Variants in KCNIP4 observed in about 807,000 individuals in gnomAD.
KCNIP4 encodes Kv channel-interacting protein 4.
Under a neutral mutation model 34.0 loss-of-function variants are expected in KCNIP4, and 12 were observed. That is an observed-to-expected ratio of 0.35 (90% CI 0.23 to 0.57). KCNIP4 has a LOEUF of 0.57. KCNIP4 is among the 20% of genes least tolerant of loss of function. The pLI, the probability that KCNIP4 is intolerant of heterozygous loss-of-function variation, is 0.83. For missense variants in KCNIP4, 238 were observed against 311.7 expected (o/e 0.76, Z 1.78); for synonymous variants, 124 against 102.2 (o/e 1.21, Z -1.29).
chr4:21,568,288 G>A (rs183434595), intron 1 of KCNIP4, among the ~76,000 whole-genome samples: 4 of 152,230 alleles, frequency 2.6e-5, no homozygotes, highest in South Asian at 4.2e-4. Flanking sequence ...TCATAGTGGA[G>A]TAAAGTGGGC....
chr4:21,609,041 G>T (rs1329588454), intron 1 of KCNIP4: 1 of 152,100 alleles, frequency 6.6e-6, no homozygotes, highest in Non-Finnish European at 1.5e-5. Context: ...GAAAATACTA[G>T]GAGAACTGAT....
intron 1 of KCNIP4, among the ~76,000 whole-genome samples, chr4:21,582,965 T>C (rs1741347522): frequency 6.6e-6 from 1 of 151,910 alleles, no homozygotes; most frequent in African/African-American, 2.4e-5. Flanking sequence ...TCTCATTGCC[T>C]TTCTCACACT....
At chr4:21,453,288 A>G (rs1728664616) in intron 1 of KCNIP4, among the ~76,000 whole-genome samples, 1 of 152,162 alleles carries the variant, frequency 6.6e-6, no homozygotes, top group Non-Finnish European at 1.5e-5. Flanking sequence ...ACAGGAAAAC[A>G]TAAGTAGTAA....
chr4:21,289,631 C>T (rs1357063092), intron 1 of KCNIP4, among the ~76,000 whole-genome samples: 1 of 152,078 alleles, frequency 6.6e-6, no homozygotes, highest in Non-Finnish European at 1.5e-5. Context: ...AGGATTCCTG[C>T]CTAGTAAGCC....
At chr4:20,753,221 C>A (rs890079204) in intron 4 of KCNIP4, among the ~76,000 whole-genome samples, 2 of 152,018 alleles carry the variant, frequency 1.3e-5, no homozygotes, top group African/African-American at 4.8e-5. Context: ...ACTGAGGTCA[C>A]CTAGTTAGTT....
chr4:21,530,744 T>G (rs1468386426), intron 1 of KCNIP4, among the ~76,000 whole-genome samples: 2 of 152,164 alleles, frequency 1.3e-5, no homozygotes, highest in African/African-American at 4.8e-5. Flanking sequence ...GTTTATTCAT[T>G]CAGTAAATAT....
intron 1 of KCNIP4, among the ~76,000 whole-genome samples, chr4:21,623,439 G>A (rs763688447): frequency 8.5e-5 from 13 of 152,152 alleles, no homozygotes; most frequent in Non-Finnish European, 1.5e-4. Context: ...TTTACCAACA[G>A]TAAGAACTCA....
intron 1 of KCNIP4, among the ~76,000 whole-genome samples, chr4:21,152,482 A>G (rs1291913712): frequency 6.6e-6 from 1 of 151,856 alleles, no homozygotes; most frequent in Non-Finnish European, 1.5e-5. Flanking sequence ...TCACTGCCCC[A>G]CCAAACTCAT....
At chr4:21,285,357 G>A (rs1763056925) in intron 1 of KCNIP4, among the ~76,000 whole-genome samples, 1 of 152,056 alleles carries the variant, frequency 6.6e-6, no homozygotes, top group Non-Finnish European at 1.5e-5. Context: ...TTTGAACAGT[G>A]TGCTAATCAC....
At chr4:20,992,622 G>A (rs1050464006) in intron 1 of KCNIP4, among the ~76,000 whole-genome samples, 2 of 151,894 alleles carry the variant, frequency 1.3e-5, no homozygotes, top group African/African-American at 2.4e-5. Context: ...CACCCGGATC[G>A]GATCATTTTC....
At chr4:20,812,373 C>G (rs1198383884) in intron 3 of KCNIP4, among the ~76,000 whole-genome samples, 1 of 151,972 alleles carries the variant, frequency 6.6e-6, no homozygotes, top group Non-Finnish European at 1.5e-5. Flanking sequence ...GACCAGAAAG[C>G]TGAAGAGGAT....
At chr4:21,291,849 G>C (rs6843123) in intron 1 of KCNIP4, among the ~76,000 whole-genome samples, 1,909 of 67,482 alleles carry the variant, frequency 0.028, 86 homozygotes, top group African/African-American at 0.13. Context: ...GTTAGACTCC[G>C]CCTCAAAAAA....
intron 1 of KCNIP4, among the ~76,000 whole-genome samples, chr4:21,504,365 A>T (rs577243475): frequency 6.6e-6 from 1 of 150,700 alleles, no homozygotes; most frequent in Non-Finnish European, 1.5e-5. Context: ...CTACTGGGGG[A>T]GCTGAGGGAG....
intron 1 of KCNIP4, among the ~76,000 whole-genome samples, chr4:21,471,624 G>C (rs915457303): frequency 6.6e-6 from 1 of 152,142 alleles, no homozygotes; most frequent in Non-Finnish European, 1.5e-5. Context: ...TGTAGAGAAA[G>C]GGGAATGAGA....
intron 1 of KCNIP4, among the ~76,000 whole-genome samples, chr4:21,445,795 C>T (rs1727927996): frequency 6.6e-6 from 1 of 152,114 alleles, no homozygotes; most frequent in African/African-American, 2.4e-5. Flanking sequence ...AACTAAAGAG[C>T]TTCTGCACAG....
intron 1 of KCNIP4, among the ~76,000 whole-genome samples, chr4:21,590,417 A>G (rs1742103687): frequency 6.6e-6 from 1 of 151,932 alleles, no homozygotes; most frequent in African/African-American, 2.4e-5. Context: ...TAATCTCAAG[A>G]CTGTGACACA....
At chr4:20,864,928 G>A (rs1208133619) in intron 2 of KCNIP4, among the ~76,000 whole-genome samples, 3 of 152,010 alleles carry the variant, frequency 2.0e-5, no homozygotes, top group Admixed American at 2.0e-4. Context: ...TGTACCCACA[G>A]TTTTAGTAAG....
intron 1 of KCNIP4, among the ~76,000 whole-genome samples, chr4:21,536,765 G>A (rs1165909732): frequency 2.7e-5 from 4 of 150,870 alleles, no homozygotes; most frequent in Admixed American, 1.3e-4. Flanking sequence ...TGGCTGACAG[G>A]ATGAGACTCT....
intron 1 of KCNIP4, among the ~76,000 whole-genome samples, chr4:21,289,575 G>C (rs1033132513): frequency 2.0e-5 from 3 of 151,912 alleles, no homozygotes; most frequent in African/African-American, 7.3e-5. Context: ...TCATCCCTAA[G>C]GACAAGTTTT....
Sources: allele counts gnomAD v4.1 joint callset (sites outside exome capture counted in the v4.1 genomes callset), GRCh38; gene constraint gnomAD v4.1.1; transcripts MANE v1.5; gene names NCBI Gene and HGNC (gene_info 2026-07-23, HGNC 2026-07-21).